TOGARAM1: variants seen among roughly 807,000 people sequenced by gnomAD.
The protein encoded by TOGARAM1 is TOG array regulator of axonemal microtubules 1, also known as TOG array regulator of axonemal microtubules protein 1.
TOGARAM1 carries 100 observed loss-of-function variants against 166.6 expected under a neutral mutation model. The observed-to-expected ratio is 0.60, with a 90% CI of 0.51 to 0.71. The LOEUF (loss-of-function observed/expected upper bound fraction) is 0.71, where lower values mean the gene tolerates loss of function less well. Among genes scored for constraint, TOGARAM1 ranks in the 30% least tolerant of loss-of-function variants. TOGARAM1 has a pLI of 0.00. For synonymous variants in TOGARAM1, 758 were observed against 763.8 expected (o/e 0.99, Z 0.13); for missense variants, 2,029 against 2,102.7 (o/e 0.96, Z 0.69).
intron 3 of TOGARAM1, among the ~76,000 whole-genome samples, chr14:45,001,205 G>T (rs896794129): frequency 6.6e-6 from 1 of 152,146 alleles, no homozygotes; most frequent in East Asian, 1.9e-4. Context: ...TCTTATTGTG[G>T]TTTTGATTTG....
Position 44,964,159 on chromosome 14 carries a change from A to C in TOGARAM1, c.1738A>C (p.Arg580=), listed in dbSNP as rs781341387. Residue 580 remains arginine, a synonymous_variant, in exon 1 of 20, where the codon AGG becomes CGG. Coordinates refer to ENST00000361462, the MANE Select transcript of TOGARAM1 (RefSeq NM_001308120.2). ...CAGATTGGCTAGGAAAACCTTACCA[A>C]GGCTCACAGAGCAGGGATTTGTGGA... is the stretch of plus-strand genomic sequence containing the variant. ...QARLARKTLP[R]LTEQGFVEYA... is the part of the protein sequence containing the mutation. 3 of 1,614,250 alleles carry C rather than the reference A, an allele frequency of 1.9e-6. No individual in the cohort carries two copies. Among genetic ancestry groups the C allele is most frequent in the East Asian group, 2.2e-5 (1 of 44,890 alleles).
At position 45,011,980 on chromosome 14, in the gene TOGARAM1, A is replaced by G. The variant is rs763560311; in HGVS notation, c.3143A>G (p.Asp1048Gly). The G allele has an allele frequency of 5.6e-6, 9 of 1,601,546 alleles. No individual in the cohort carries two copies. The highest frequency in any genetic ancestry group is 7.7e-6 in the Non-Finnish European group (9 of 1,175,804). The change falls in exon 7 of 20, where the codon GAC becomes GGC. Residue 1048 changes from aspartate (D) to glycine (G), a missense_variant. By Grantham distance (94) the Asp-to-Gly change is moderately conservative. Coordinates refer to ENST00000361462, the MANE Select transcript of TOGARAM1 (RefSeq NM_001308120.2). ...ATTACTTTGTTTCATTGCAGGTCAG[A>G]CATATTTCCAACATTTGGGTCAAAA... ...TTPQGKRIMS[D>G]IFPTFGSKPC...
chr14:44,967,136 C>G (rs924678013), intron 1 of TOGARAM1, among the ~76,000 whole-genome samples: 1 of 152,050 alleles, frequency 6.6e-6, no homozygotes, highest in Non-Finnish European at 1.5e-5. Flanking sequence ...TATTTCTTGC[C>G]ATTGTGGTTT....
At position 44,999,405 on chromosome 14, in the gene TOGARAM1, C is replaced by T. The variant is rs767290731; in HGVS notation, c.2246C>T (p.Ala749Val). ...CAAACAAATCTTTCTGGGAAATGTG[C>T]ACAACTTGGATTTTCACAAATATGT... Reference protein sequence around the residue: ...THQTNLSGKCAQLGFSQICGK... With the variant: ...THQTNLSGKCVQLGFSQICGK... Residue 749 changes from alanine (A) to valine (V), a missense_variant, in exon 3 of 20, where the codon GCA becomes GTA. Physicochemically the swap from Ala to Val is moderately conservative, Grantham distance 64. This residue lies in a region of TOGARAM1 where 1,453 missense variants were observed against 1,432.2 expected (regional missense o/e 1.01). Coordinates refer to ENST00000361462, the MANE Select transcript of TOGARAM1 (RefSeq NM_001308120.2). The T allele has an allele frequency of 1.2e-6, 2 of 1,610,316 alleles. No individual in the cohort carries two copies. The highest frequency in any genetic ancestry group is 1.7e-6 in the Non-Finnish European group (2 of 1,177,746).
intron 13 of TOGARAM1, among the ~76,000 whole-genome samples, chr14:45,045,806 C>T (rs2138957828): frequency 6.8e-6 from 1 of 148,052 alleles, no homozygotes. Context: ...TCAGTGGGCA[C>T]TTAGGTTGGT....
At chr14:44,966,560 A>G (rs887038695) in intron 1 of TOGARAM1, among the ~76,000 whole-genome samples, 1 of 152,072 alleles carries the variant, frequency 6.6e-6, no homozygotes, top group Non-Finnish European at 1.5e-5. Context: ...ACTACCTGCA[A>G]TTCTTTTTTT....
Position 44,995,864 on chromosome 14 carries a change from G to A in TOGARAM1, c.2165G>A (p.Arg722Gln), listed in dbSNP as rs200832771. The A allele has an allele frequency of 1.1e-5, 17 of 1,610,384 alleles. No individual in the cohort carries two copies. The Admixed American group carries it at 1.7e-4, about 16-fold the overall frequency. ...TCAAGAAACTTATTTCAGAATAGTC[G>A]GGATTTTAACCCAGATTGTCTTCCT... is the stretch of plus-strand genomic sequence containing the variant. The part of the protein sequence containing the change: ...RVSRNLFQNS[R>Q]DFNPDCLPLC... Residue 722 changes from arginine to glutamine, a missense_variant, in exon 2 of 20, where the codon CGG becomes CAG. By Grantham distance (43) the Arg-to-Gln change is conservative. Around this residue, in one of 2 missense-constraint regions of TOGARAM1, gnomAD observed 1,453 missense variants for 1,432.2 expected, o/e 1.01. Coordinates refer to ENST00000361462, the MANE Select transcript of TOGARAM1 (RefSeq NM_001308120.2).
chr14:45,038,580 C>A (rs1251021752), intron 11 of TOGARAM1, among the ~76,000 whole-genome samples: 2 of 152,240 alleles, frequency 1.3e-5, no homozygotes, highest in Non-Finnish European at 1.5e-5. Context: ...AATGTGGTGG[C>A]ACCCAGAAGC....
intron 16 of TOGARAM1, 52 bp from the exon 17 acceptor site, chr14:45,066,526 G>A: frequency 1.4e-6 from 2 of 1,440,630 alleles, no homozygotes; most frequent in South Asian, 2.9e-5. Context: ...TTGTATAATA[G>A]TTTTTATAGG....
chr14:45,018,191 A>C (rs28397801), intron 7 of TOGARAM1, among the ~76,000 whole-genome samples: 24,306 of 152,014 alleles, frequency 0.16, 3,609 homozygotes, highest in African/African-American at 0.4. Flanking sequence ...TTTTCATGTG[A>C]ATAGCAGCTG....
At chr14:45,063,652 G>A (rs1883007260) in intron 16 of TOGARAM1, among the ~76,000 whole-genome samples, 1 of 151,750 alleles carries the variant, frequency 6.6e-6, no homozygotes, top group Non-Finnish European at 1.5e-5. Context: ...GCTAATTTTT[G>A]TATTTTTAGT....
intron 14 of TOGARAM1, among the ~76,000 whole-genome samples, chr14:45,049,124 G>T (rs1002650131): frequency 5.3e-5 from 8 of 150,890 alleles, no homozygotes; most frequent in Non-Finnish European, 1.2e-4. Flanking sequence ...TGTCAGTGAG[G>T]GTCCTTGCTC....
chr14:45,002,116 T>TC, intron 3 of TOGARAM1, among the ~76,000 whole-genome samples: 1 of 152,324 alleles, frequency 6.6e-6, no homozygotes, highest in East Asian at 1.9e-4. Context: ...ACATTTTAAC[T>TC]ACCCTTTTTT....
At chr14:44,996,793 C>T (rs1014506209) in intron 2 of TOGARAM1, 5 of 152,240 alleles carry the variant, frequency 3.3e-5, no homozygotes, top group Non-Finnish European at 5.9e-5. Flanking sequence ...GAAACAAGCA[C>T]GTCTTACATG....
chr14:45,045,541 GTGTATATATATATATATATATA>G (rs1266643421), intron 13 of TOGARAM1, among the ~76,000 whole-genome samples: 5 of 50,368 alleles, frequency 9.9e-5, no homozygotes, highest in South Asian at 1.3e-3. Flanking sequence ...TGGTCTGTGT[GTGTATATATATATATATATATA>G]TATATATATA....
Position 44,962,404 on chromosome 14 carries a change from A to T in TOGARAM1, c.-18A>T. ...ACGGCAATGGTTTCTTCCAACCACC[A>T]CCACCTGACAACCCTGCATGGCGGC... On this transcript the variant is annotated 5_prime_UTR_variant, in exon 1 of 20. Coordinates refer to ENST00000361462, the MANE Select transcript of TOGARAM1 (RefSeq NM_001308120.2). 1.3e-6 allele frequency: 2 copies of T among 1,525,512 alleles called. No homozygotes were observed. The highest frequency in any genetic ancestry group is 1.8e-6 in the Non-Finnish European group (2 of 1,141,570). The allele number at this position is 1,525,512 out of a possible 1,614,324, so 94.5% of individuals were successfully genotyped here.
intron 16 of TOGARAM1, among the ~76,000 whole-genome samples, chr14:45,059,799 A>G (rs759088115): frequency 6.6e-6 from 1 of 152,222 alleles, no homozygotes; most frequent in Non-Finnish European, 1.5e-5. Context: ...AACTAAAGTA[A>G]TGACATAAAA....
intron 1 of TOGARAM1, among the ~76,000 whole-genome samples, chr14:44,970,095 T>C (rs919131527): frequency 6.6e-6 from 1 of 152,218 alleles, no homozygotes; most frequent in African/African-American, 2.4e-5. Context: ...GAGAGTTTGA[T>C]TGGGATTGCA....
Position 45,074,275 on chromosome 14 carries a change from A to AC in TOGARAM1, c.*716dup, listed in dbSNP as rs1883510238. On this transcript the variant is annotated 3_prime_UTR_variant, in exon 20 of 20. Coordinates refer to ENST00000361462, the MANE Select transcript of TOGARAM1 (RefSeq NM_001308120.2). ...CTAAATTTTATTGCTTTATGTTTTG[A>AC]CCTTTATAAAGGTGTTATTCTGCTG... 6.6e-6 allele frequency: 1 copy of AC among 152,572 alleles called. No individual in the cohort carries two copies. Among genetic ancestry groups the AC allele is most frequent in the Non-Finnish European group, 1.5e-5 (1 of 68,002 alleles). 9.5% of individuals were successfully genotyped at this position (152,572 alleles called of 1,614,324 possible). A position where few individuals can be genotyped will look rare whatever the true frequency, so the allele number is the denominator to read the frequency against.
Sources: gnomAD v4.1 joint callset for allele counts (sites outside exome capture counted in the v4.1 genomes callset) on GRCh38, gnomAD v4.1.1 for gene constraint, gnomAD v4.1.1 regional missense constraint, MANE v1.5 for transcripts, NCBI Gene and HGNC (gene_info 2026-07-23, HGNC 2026-07-21) for gene names.